Variants in SLC2A9 observed in about 807,000 individuals in gnomAD.
The protein encoded by SLC2A9 is solute carrier family 2 member 9, also known as solute carrier family 2, facilitated glucose transporter member 9.
In SLC2A9, 39 loss-of-function variants were observed where a neutral mutation model predicts 50.6. That is an observed-to-expected ratio of 0.77 (90% CI 0.60 to 1.01). The LOEUF (loss-of-function observed/expected upper bound fraction) is 1.01, where lower values mean the gene tolerates loss of function less well. Among genes scored for constraint, SLC2A9 ranks in the 50% least tolerant of loss-of-function variants. The pLI is 0.00. For missense variants in SLC2A9, 686 were observed against 677.6 expected (o/e 1.01, Z -0.14); for synonymous variants, 324 against 276.9 (o/e 1.17, Z -1.69).
intron 2 of SLC2A9, among the ~76,000 whole-genome samples, chr4:10,000,380 T>C (rs1303991062): frequency 1.3e-5 from 2 of 152,180 alleles, no homozygotes; most frequent in Non-Finnish European, 2.9e-5. Context: ...AGGATGCTCT[T>C]GGCTGCAAGT....
At chr4:9,964,776 C>A (rs116120765) in intron 5 of SLC2A9, among the ~76,000 whole-genome samples, 67 of 152,310 alleles carry the variant, frequency 4.4e-4, no homozygotes, top group Non-Finnish European at 9.1e-4. Flanking sequence ...CTGCAAAGGA[C>A]TGTTTTGCTC....
chr4:9,811,751 G>C (rs1042571263), intron 3 of SLC2A9, among the ~76,000 whole-genome samples: 1 of 152,166 alleles, frequency 6.6e-6, no homozygotes, highest in African/African-American at 2.4e-5. Context: ...GGGATATTTT[G>C]TTCCTCAGCA....
intron 3 of SLC2A9, among the ~76,000 whole-genome samples, chr4:9,791,285 C>G (rs1433676539): frequency 6.6e-6 from 1 of 152,188 alleles, no homozygotes; most frequent in Non-Finnish European, 1.5e-5. Context: ...CATTAAACAT[C>G]TAGAGAAAAA....
At chr4:9,927,413 G>A (rs1048814289) in intron 6 of SLC2A9, among the ~76,000 whole-genome samples, 5 of 152,206 alleles carry the variant, frequency 3.3e-5, no homozygotes, top group African/African-American at 7.2e-5. Flanking sequence ...AGAGCAAAGC[G>A]CAGAACAACC....
intron 10 of SLC2A9, among the ~76,000 whole-genome samples, chr4:9,858,033 G>C (rs1287350198): frequency 6.6e-6 from 1 of 152,194 alleles, no homozygotes; most frequent in Non-Finnish European, 1.5e-5. Context: ...CAGCAAATCA[G>C]AGCAGTTGGT....
At chr4:9,898,956 T>C (rs1577772323) in intron 8 of SLC2A9, among the ~76,000 whole-genome samples, 1 of 152,304 alleles carries the variant, frequency 6.6e-6, no homozygotes, top group Admixed American at 6.5e-5. Context: ...GCCATTTCTT[T>C]AAACATGATG....
chr4:9,794,093 A>T (rs1720287421), downstream of SLC2A9, among the ~76,000 whole-genome samples: 1 of 151,858 alleles, frequency 6.6e-6, no homozygotes, highest in Admixed American at 6.6e-5. Context: ...ATTTACTAGA[A>T]CTCATCCCAT....
Position 9,783,062 on chromosome 4 carries a change from G to A in SLC2A9, n.386-2997C>T, listed in dbSNP as rs564839002. The A allele has an allele frequency of 1.9e-5, 31 of 1,614,206 alleles. No homozygotes were observed. The African/African-American group carries it at 3.7e-4, about 19-fold the overall frequency. On this transcript the variant is annotated intron_variant and non_coding_transcript_variant, in intron 3 of 3. Transcript: ENST00000503803. ...CAGTGAGACCACCTTCGACGTCTTC[G>A]TCTGGTTCGGCTGGGCTAACTCCTC...
At chr4:9,899,915 A>C (rs528938501) in intron 8 of SLC2A9, among the ~76,000 whole-genome samples, 1 of 152,158 alleles carries the variant, frequency 6.6e-6, no homozygotes, top group Non-Finnish European at 1.5e-5. Context: ...GTCACTTTAC[A>C]AGCTTGGCTT....
At chr4:10,015,971 TG>T (rs1271720794) in intron 2 of SLC2A9, among the ~76,000 whole-genome samples, 5 of 152,278 alleles carry the variant, frequency 3.3e-5, no homozygotes, top group Middle Eastern at 3.4e-3. Context: ...GCTACCCAAC[TG>T]GGGATGACAC....
intron 5 of SLC2A9, among the ~76,000 whole-genome samples, chr4:9,944,958 G>A (rs568246650): frequency 5.9e-5 from 9 of 152,300 alleles, no homozygotes; most frequent in African/African-American, 1.7e-4. Context: ...CTGCGCACAC[G>A]TCATCTCAAT....
At chr4:9,918,416 G>A (rs1231902245) in intron 7 of SLC2A9, among the ~76,000 whole-genome samples, 1 of 152,206 alleles carries the variant, frequency 6.6e-6, no homozygotes, top group African/African-American at 2.4e-5. Context: ...CTCTCTGTAT[G>A]TAACACGGAA....
chr4:9,897,330 G>A (rs1738737339), intron 8 of SLC2A9, among the ~76,000 whole-genome samples: 1 of 152,214 alleles, frequency 6.6e-6, no homozygotes, highest in African/African-American at 2.4e-5. Context: ...AGAGAAGACA[G>A]AGCCAGGAGT....
At chr4:10,022,856 A>C (rs937627635), upstream of SLC2A9, among the ~76,000 whole-genome samples, 3 of 152,156 alleles carry the variant, frequency 2.0e-5, no homozygotes, top group Non-Finnish European at 4.4e-5. Flanking sequence ...ACTTCCAAAG[A>C]GGAAAACCAC....
chr4:9,773,046 C>T (rs959392396), intron 1 of SLC2A9, among the ~76,000 whole-genome samples: 3 of 152,286 alleles, frequency 2.0e-5, no homozygotes. Flanking sequence ...TAAGCCCATC[C>T]TTCTGCCTCT....
chr4:9,970,738 A>G (rs1237032527), intron 5 of SLC2A9, among the ~76,000 whole-genome samples: 2 of 152,062 alleles, frequency 1.3e-5, no homozygotes, highest in East Asian at 3.8e-4. Flanking sequence ...ATTGTTTTAT[A>G]CTCAGTACCT....
intron 5 of SLC2A9, among the ~76,000 whole-genome samples, chr4:9,945,967 T>C (rs1749068706): frequency 6.6e-6 from 1 of 152,152 alleles, no homozygotes; most frequent in Non-Finnish European, 1.5e-5. Context: ...CTTTTTCAGG[T>C]GCTGTTCAAA....
In SLC2A9 at chr4:9,826,235, C is replaced by T. The variant is rs886456696; in HGVS notation, c.*162G>A. The T allele has an allele frequency of 3.0e-5, 21 of 690,218 alleles. No homozygotes were observed. The African/African-American group carries it at 3.1e-4, about 10-fold the overall frequency. 42.8% of individuals were successfully genotyped at this position (690,218 alleles called of 1,614,324 possible). On this transcript the variant is annotated 3_prime_UTR_variant, in exon 12 of 12. Transcript: ENST00000264784. The stretch of plus-strand genomic sequence containing the variant: ...ACACAGTTGCAATGTTAGATTAGTA[C>T]AGGTTTACTTTTAAATATTTAATAA...
intron 10 of SLC2A9, among the ~76,000 whole-genome samples, chr4:9,838,810 T>C (rs999078998): frequency 3.9e-5 from 6 of 152,224 alleles, no homozygotes; most frequent in Non-Finnish European, 7.4e-5. Context: ...TTGCAGAAGA[T>C]TGAAACTGGA....
Sources: allele counts gnomAD v4.1 joint callset (sites outside exome capture counted in the v4.1 genomes callset), GRCh38; gene constraint gnomAD v4.1.1; transcripts MANE v1.5; gene names NCBI Gene and HGNC (gene_info 2026-07-23, HGNC 2026-07-21).